SCFD2: variants seen among roughly 807,000 people sequenced by gnomAD.
SCFD2 encodes the protein sec1 family domain containing 2, also known as sec1 family domain-containing protein 2.
In SCFD2, 54 loss-of-function variants were observed where a neutral mutation model predicts 58.9. The ratio of observed to expected loss-of-function variants is 0.92; its 90% CI spans 0.74 to 1.15. SCFD2 has a LOEUF of 1.15. Among genes scored for constraint, SCFD2 ranks in the 50% most tolerant of loss-of-function variants. The probability of loss-of-function intolerance (pLI) is 0.00; values close to 1 mark genes in which losing one functional copy is unlikely to be tolerated. For missense variants in SCFD2, 805 were observed against 836.6 expected (o/e 0.96, Z 0.47); for synonymous variants, 321 against 335.9 (o/e 0.96, Z 0.49).
At chr4:53,113,666 A>G (rs1365266729) in intron 5 of SCFD2, among the ~76,000 whole-genome samples, 2 of 152,028 alleles carry the variant, frequency 1.3e-5, no homozygotes, top group Non-Finnish European at 2.9e-5. Flanking sequence ...TCCTCCTACT[A>G]GAATGTAGCC....
chr4:53,215,090 G>A (rs1728770817), intron 4 of SCFD2, among the ~76,000 whole-genome samples: 1 of 152,094 alleles, frequency 6.6e-6, no homozygotes. Flanking sequence ...GTAGCTTGAT[G>A]CCTCAAGCTT....
intron 7 of SCFD2, among the ~76,000 whole-genome samples, chr4:52,895,146 T>C (rs572361931): frequency 2.0e-5 from 3 of 152,154 alleles, no homozygotes; most frequent in Non-Finnish European, 4.4e-5. Flanking sequence ...CCCATGACAG[T>C]ATTTTCTGCT....
At chr4:53,022,347 C>A (rs1190893371) in intron 5 of SCFD2, among the ~76,000 whole-genome samples, 2 of 152,176 alleles carry the variant, frequency 1.3e-5, no homozygotes, top group African/African-American at 2.4e-5. Flanking sequence ...TATGCCTGAT[C>A]CCCCATCTAG....
chr4:53,361,716 A>G (rs2149174109), intron 1 of SCFD2, among the ~76,000 whole-genome samples: 1 of 152,370 alleles, frequency 6.6e-6, no homozygotes, highest in South Asian at 2.1e-4. Context: ...AAATACTCAT[A>G]TAAATATGAC....
At chr4:53,029,257 C>A (rs1442143087) in intron 5 of SCFD2, among the ~76,000 whole-genome samples, 6 of 151,974 alleles carry the variant, frequency 3.9e-5, no homozygotes, top group Non-Finnish European at 5.9e-5. Context: ...AAAATTTAAA[C>A]AAAGGTGTGC....
intron 4 of SCFD2, among the ~76,000 whole-genome samples, chr4:53,167,577 T>C (rs1339202174): frequency 6.6e-6 from 1 of 152,232 alleles, no homozygotes; most frequent in Non-Finnish European, 1.5e-5. Context: ...TCCTAGGCTT[T>C]TTCTGATGCT....
At chr4:53,238,110 C>T (rs1729725882) in intron 4 of SCFD2, among the ~76,000 whole-genome samples, 1 of 131,824 alleles carries the variant, frequency 7.6e-6, no homozygotes, top group African/African-American at 2.9e-5. Context: ...GGGCTCCTCA[C>T]TTCCCAGTAG....
intron 5 of SCFD2, among the ~76,000 whole-genome samples, chr4:53,005,026 T>G (rs73149142): frequency 0.014 from 2,179 of 152,300 alleles, 56 homozygotes; most frequent in African/African-American, 0.05. Context: ...GCCTCCCCAG[T>G]AGCTGGGACT....
At chr4:53,284,068 G>A (rs1302291637) in intron 3 of SCFD2, among the ~76,000 whole-genome samples, 7 of 147,730 alleles carry the variant, frequency 4.7e-5, no homozygotes, top group Non-Finnish European at 8.9e-5. Flanking sequence ...GCAGTGAGCC[G>A]AGATCGTGCC....
intron 3 of SCFD2, among the ~76,000 whole-genome samples, chr4:53,308,015 C>G (rs1560440238): frequency 6.6e-6 from 1 of 152,180 alleles, no homozygotes; most frequent in Non-Finnish European, 1.5e-5. Flanking sequence ...GAAGTGTGGT[C>G]TGAAAGTCCC....
At chr4:53,207,776 T>C (rs1728481781) in intron 4 of SCFD2, among the ~76,000 whole-genome samples, 1 of 147,834 alleles carries the variant, frequency 6.8e-6, no homozygotes, top group African/African-American at 2.5e-5. Context: ...CCTTCTCTCT[T>C]CTTCTTTCTC....
At chr4:52,924,628 C>A (rs910749456) in intron 5 of SCFD2, among the ~76,000 whole-genome samples, 3 of 152,160 alleles carry the variant, frequency 2.0e-5, no homozygotes, top group Non-Finnish European at 1.5e-5. Context: ...AAAGGTGATT[C>A]ATTTTTATCA....
intron 5 of SCFD2, among the ~76,000 whole-genome samples, chr4:53,098,655 C>T (rs540868718): frequency 6.6e-6 from 1 of 152,174 alleles, no homozygotes; most frequent in East Asian, 1.9e-4. Context: ...CCCTAGATAG[C>T]CACTTGGTTA....
chr4:52,969,541 T>C (rs184328206), intron 5 of SCFD2, among the ~76,000 whole-genome samples: 3 of 152,178 alleles, frequency 2.0e-5, no homozygotes, highest in Non-Finnish European at 1.5e-5. Flanking sequence ...GGCTTGGCCA[T>C]GTGATTTGTG....
chr4:53,299,097 A>T (rs2149095507), intron 3 of SCFD2, among the ~76,000 whole-genome samples: 1 of 152,358 alleles, frequency 6.6e-6, no homozygotes, highest in South Asian at 2.1e-4. Context: ...TGGACGGAGA[A>T]TGACTTTGAT....
intron 7 of SCFD2, among the ~76,000 whole-genome samples, chr4:52,901,069 C>T (rs1719185591): frequency 6.6e-6 from 1 of 152,232 alleles, no homozygotes; most frequent in Non-Finnish European, 1.5e-5. Context: ...GGAAAGGAAA[C>T]TCCCTGACCC....
At chr4:53,230,010 A>C (rs1729377654) in intron 4 of SCFD2, among the ~76,000 whole-genome samples, 1 of 152,260 alleles carries the variant, frequency 6.6e-6, no homozygotes, top group Admixed American at 6.5e-5. Context: ...AGCCAAAAAA[A>C]CACATGAAAA....
At chr4:52,923,676 A>C (rs1350953701) in intron 5 of SCFD2, among the ~76,000 whole-genome samples, 1 of 152,100 alleles carries the variant, frequency 6.6e-6, no homozygotes, top group Non-Finnish European at 1.5e-5. Flanking sequence ...TTGAGGAAAG[A>C]AGAAAATGTG....
At chr4:53,161,592 C>T (rs1025008323) in intron 4 of SCFD2, among the ~76,000 whole-genome samples, 3 of 152,082 alleles carry the variant, frequency 2.0e-5, no homozygotes, top group African/African-American at 7.2e-5. Flanking sequence ...TTTTTCCCAT[C>T]TCTCGGGAAA....
Sources: allele counts gnomAD v4.1 joint callset (sites outside exome capture counted in the v4.1 genomes callset), GRCh38; gene constraint gnomAD v4.1.1; transcripts MANE v1.5; gene names NCBI Gene and HGNC (gene_info 2026-07-23, HGNC 2026-07-21).